Variants in FMNL2 observed in about 807,000 individuals in gnomAD.
FMNL2 encodes the protein formin like 2, also known as formin-like protein 2.
FMNL2 carries 51 observed loss-of-function variants against 130.2 expected under a neutral mutation model. That is an observed-to-expected ratio of 0.39 (90% CI 0.31 to 0.49). The LOEUF is 0.49. FMNL2 is among the 20% of genes least tolerant of loss of function. The pLI, the probability that FMNL2 is intolerant of heterozygous loss-of-function variation, is 0.85. For synonymous variants in FMNL2, 465 were observed against 467.1 expected (o/e 1.00, Z 0.06); for missense variants, 977 against 1,316.2 (o/e 0.74, Z 3.99).
At chr2:152,470,078 T>C (rs1001398426) in intron 1 of FMNL2, among the ~76,000 whole-genome samples, 3 of 152,220 alleles carry the variant, frequency 2.0e-5, no homozygotes, top group Admixed American at 6.5e-5. Flanking sequence ...TGTGTCTGTG[T>C]TATTTCTTTT....
chr2:152,447,478 AT>A (rs1332637109), intron 1 of FMNL2, among the ~76,000 whole-genome samples: 1 of 152,170 alleles, frequency 6.6e-6, no homozygotes, highest in Non-Finnish European at 1.5e-5. Context: ...AGTATTTTAA[AT>A]TTCTTTGACA....
At chr2:152,516,908 T>C (rs1486698551) in intron 1 of FMNL2, among the ~76,000 whole-genome samples, 1 of 152,184 alleles carries the variant, frequency 6.6e-6, no homozygotes, top group African/African-American at 2.4e-5. Flanking sequence ...GGATATTCTA[T>C]TTTTCTTTAT....
At chr2:152,519,815 G>A (rs1033876433) in intron 1 of FMNL2, among the ~76,000 whole-genome samples, 5 of 152,150 alleles carry the variant, frequency 3.3e-5, no homozygotes, top group Non-Finnish European at 5.9e-5. Flanking sequence ...AGGAGTTCAG[G>A]CATTCTTTTT....
At chr2:152,604,472 G>C (rs1386630237) in intron 9 of FMNL2, among the ~76,000 whole-genome samples, 1 of 150,134 alleles carries the variant, frequency 6.7e-6, no homozygotes, top group African/African-American at 2.4e-5. Context: ...CGTGTGCCTA[G>C]CCCCTCAACC....
intron 1 of FMNL2, among the ~76,000 whole-genome samples, chr2:152,344,793 T>A (rs1165954254): frequency 6.6e-6 from 1 of 152,184 alleles, no homozygotes; most frequent in South Asian, 2.1e-4. Flanking sequence ...TACAAAGACT[T>A]GATGAGCTTG....
chr2:152,571,522 T>G (rs1174956199), intron 6 of FMNL2, among the ~76,000 whole-genome samples: 1 of 152,206 alleles, frequency 6.6e-6, no homozygotes, highest in Admixed American at 6.5e-5. Context: ...GAAAATATTA[T>G]AGTAACCGTT....
chr2:152,393,996 A>G (rs1685261075), intron 1 of FMNL2, among the ~76,000 whole-genome samples: 1 of 152,228 alleles, frequency 6.6e-6, no homozygotes, highest in Non-Finnish European at 1.5e-5. Context: ...CGGGCTGTAG[A>G]AGAACAGGCG....
intron 1 of FMNL2, among the ~76,000 whole-genome samples, chr2:152,430,874 A>C (rs1361618275): frequency 2.0e-5 from 3 of 149,776 alleles, no homozygotes; most frequent in Non-Finnish European, 4.5e-5. Flanking sequence ...CTTGGTCTCG[A>C]AAATATATAT....
chr2:152,395,319 CAGAA>C (rs1685334769), intron 1 of FMNL2, among the ~76,000 whole-genome samples: 1 of 152,208 alleles, frequency 6.6e-6, no homozygotes, highest in Middle Eastern at 3.2e-3. Flanking sequence ...ATACAGATTA[CAGAA>C]AGTACAGCTT....
intron 1 of FMNL2, among the ~76,000 whole-genome samples, chr2:152,437,551 T>A (rs2106116412): frequency 6.6e-6 from 1 of 152,314 alleles, no homozygotes; most frequent in Middle Eastern, 3.4e-3. Context: ...TGCGGCAGAT[T>A]GCTGGATTGA....
intron 6 of FMNL2, among the ~76,000 whole-genome samples, chr2:152,561,831 G>T (rs1695548973): frequency 6.6e-6 from 1 of 152,072 alleles, no homozygotes; most frequent in Non-Finnish European, 1.5e-5. Flanking sequence ...GCCCACCTTG[G>T]CCTCCCAAAG....
intron 2 of FMNL2, among the ~76,000 whole-genome samples, chr2:152,533,310 C>T (rs1171889375): frequency 6.6e-6 from 1 of 152,136 alleles, no homozygotes; most frequent in East Asian, 1.9e-4. Flanking sequence ...TCCATCCATC[C>T]ATGTATGCTT....
intron 25 of FMNL2, among the ~76,000 whole-genome samples, chr2:152,646,572 T>C (rs1029036536): frequency 9.1e-5 from 13 of 142,538 alleles, no homozygotes; most frequent in African/African-American, 3.4e-4. Flanking sequence ...ACCAGGAAAC[T>C]GTACATGTGC....
chr2:152,521,597 G>C (rs892877460), intron 1 of FMNL2, among the ~76,000 whole-genome samples: 2 of 152,018 alleles, frequency 1.3e-5, no homozygotes, highest in African/African-American at 4.8e-5. Context: ...GTCTGGTGGG[G>C]CTACAGTGCT....
chr2:152,641,041 C>A, intron 25 of FMNL2, 127 bp downstream of exon 25: 1 of 1,229,514 alleles, frequency 8.1e-7, no homozygotes. Context: ...TTATTCACAC[C>A]CAGAGTGATG....
At chr2:152,557,645 T>C (rs1301121115) in intron 4 of FMNL2, among the ~76,000 whole-genome samples, 1 of 152,260 alleles carries the variant, frequency 6.6e-6, no homozygotes, top group Admixed American at 6.5e-5. Context: ...TTCTGCCTTT[T>C]AAGACAAAGA....
intron 1 of FMNL2, among the ~76,000 whole-genome samples, chr2:152,467,044 A>C (rs1301181479): frequency 6.6e-6 from 1 of 151,986 alleles, no homozygotes; most frequent in Non-Finnish European, 1.5e-5. Flanking sequence ...AGGTACAGCT[A>C]CTCCTACAAT....
chr2:152,385,500 C>T (rs182766485), intron 1 of FMNL2, among the ~76,000 whole-genome samples: 6 of 152,194 alleles, frequency 3.9e-5, no homozygotes, highest in Admixed American at 2.6e-4. Context: ...TAAACTGTGC[C>T]GTGATTAGAA....
intron 1 of FMNL2, among the ~76,000 whole-genome samples, chr2:152,359,485 T>TG (rs1683037039): frequency 1.3e-5 from 1 of 76,768 alleles, no homozygotes; most frequent in African/African-American, 3.1e-5. Context: ...GGTAGCCTTT[T>TG]TTTTTTTTTC....
Sources: allele counts gnomAD v4.1 joint callset (sites outside exome capture counted in the v4.1 genomes callset), GRCh38; gene constraint gnomAD v4.1.1; transcripts MANE v1.5; gene names NCBI Gene and HGNC (gene_info 2026-07-23, HGNC 2026-07-21).